Variants in CFAP54 observed in about 807,000 individuals in gnomAD.
CFAP54 encodes the protein cilia- and flagella-associated protein 54.
Under a neutral mutation model 370.4 loss-of-function variants are expected in CFAP54, and 290 were observed. That is an observed-to-expected ratio of 0.78 (90% CI 0.71 to 0.86). The LOEUF (loss-of-function observed/expected upper bound fraction) is 0.86. CFAP54 is among the 40% of genes least tolerant of loss of function. The probability of loss-of-function intolerance (pLI) is 0.00; values close to 1 mark genes in which losing one functional copy is unlikely to be tolerated. For synonymous variants in CFAP54, 1,206 were observed against 1,236.5 expected, an observed-to-expected ratio of 0.98 and a Z score of 0.52; for missense variants, 3,399 against 3,528.7, an observed-to-expected ratio of 0.96 and a Z score of 0.93.
At position 96,707,220 on chromosome 12, in the gene CFAP54, G is replaced by A. The variant is rs142128334; in HGVS notation, c.6529-1388G>A. Among the ~76,000 whole-genome samples the A allele has an allele frequency of 2.2e-3, 328 of 152,228 alleles. 1 individual carries two copies. The highest frequency in any genetic ancestry group is 7.4e-3 in the African/African-American group (306 of 41,552). On this transcript the variant is annotated intron_variant, in intron 47 of 67. Transcript: ENST00000524981. Reference sequence around the variant, plus strand: ...TGGGTGATCAGTAGTATCAAATTTTGATGATGAATCAAATACAATAATACA... The same window carrying A: ...TGGGTGATCAGTAGTATCAAATTTTAATGATGAATCAAATACAATAATACA...
At chr12:96,492,139 C>T (rs1954891291) in intron 1 of CFAP54, among the ~76,000 whole-genome samples, 1 of 152,182 alleles carries the variant, frequency 6.6e-6, no homozygotes, top group Admixed American at 6.6e-5. Context: ...TCCAAACCAC[C>T]ACCATTTCAC....
intron 38 of CFAP54, among the ~76,000 whole-genome samples, chr12:96,660,038 T>C (rs1480402636): frequency 6.6e-6 from 1 of 152,202 alleles, no homozygotes; most frequent in Non-Finnish European, 1.5e-5. Flanking sequence ...TTATAATCAT[T>C]ATAAGGTCTC....
At chr12:96,701,193 GTAGATGGA>G (rs1046006329) in intron 46 of CFAP54, among the ~76,000 whole-genome samples, 3 of 152,022 alleles carry the variant, frequency 2.0e-5, no homozygotes, top group African/African-American at 7.2e-5. Flanking sequence ...AGATTGATAG[GTAGATGGA>G]TAGAGAGATA....
chr12:96,510,581 G>GT (rs143515108), intron 4 of CFAP54, among the ~76,000 whole-genome samples: 2 of 152,042 alleles, frequency 1.3e-5, no homozygotes, highest in Admixed American at 1.3e-4. Flanking sequence ...CTCATCACAT[G>GT]TTTTTTGGAC....
chr12:96,497,733 A>G (rs1221846530), intron 1 of CFAP54, among the ~76,000 whole-genome samples: 1 of 152,230 alleles, frequency 6.6e-6, no homozygotes, highest in Non-Finnish European at 1.5e-5. Flanking sequence ...GCCTTGATGT[A>G]CTGCACATGA....
At chr12:96,640,871 A>G (rs1956718964) in intron 32 of CFAP54, among the ~76,000 whole-genome samples, 1 of 152,142 alleles carries the variant, frequency 6.6e-6, no homozygotes, top group African/African-American at 2.4e-5. Flanking sequence ...CTGGCTAGCC[A>G]TATGTAGAAA....
chr12:96,793,892 T>A (rs923858473), intron 63 of CFAP54, among the ~76,000 whole-genome samples: 8 of 113,364 alleles, frequency 7.1e-5, no homozygotes, highest in African/African-American at 2.5e-4. Flanking sequence ...TTAGCCCACT[T>A]TTTGATGGGA....
At chr12:96,659,877 C>T (rs1956972873) in intron 38 of CFAP54, among the ~76,000 whole-genome samples, 1 of 152,194 alleles carries the variant, frequency 6.6e-6, no homozygotes, top group South Asian at 2.1e-4. Context: ...CTTCTTCTCA[C>T]AAAGTTTCCT....
intron 61 of CFAP54, among the ~76,000 whole-genome samples, 164 bp from the exon 62 acceptor site, chr12:96,786,511 C>T (rs1208769921): frequency 5.9e-5 from 9 of 152,072 alleles, no homozygotes; most frequent in Admixed American, 3.3e-4. Flanking sequence ...TGGCAAGAAA[C>T]AATTCCATTA....
intron 4 of CFAP54, among the ~76,000 whole-genome samples, chr12:96,510,781 G>T (rs1164202055): frequency 2.0e-5 from 3 of 151,972 alleles, no homozygotes; most frequent in African/African-American, 7.3e-5. Context: ...GGCCAACATG[G>T]CAAGACCCCT....
intron 65 of CFAP54, among the ~76,000 whole-genome samples, chr12:96,819,062 C>T (rs910779157): frequency 6.6e-6 from 1 of 152,238 alleles, no homozygotes; most frequent in Non-Finnish European, 1.5e-5. Context: ...GCTGCCCAAC[C>T]TCTGCTCACT....
At chr12:96,570,261 A>G (rs562168947) in intron 19 of CFAP54, among the ~76,000 whole-genome samples, 1 of 151,596 alleles carries the variant, frequency 6.6e-6, no homozygotes, top group South Asian at 2.1e-4. Flanking sequence ...GGCATGAGCC[A>G]CTGTGCCCAG....
At chr12:96,548,058 G>T in intron 15 of CFAP54, 80 bp downstream of exon 15, 2 of 568,750 alleles carry the variant, frequency 3.5e-6, no homozygotes, top group Non-Finnish European at 5.9e-6. Context: ...AATGCATAAT[G>T]GTTAATTGTA....
At chr12:96,872,040 A>G (rs1960183337) in intron 67 of CFAP54, among the ~76,000 whole-genome samples, 1 of 151,980 alleles carries the variant, frequency 6.6e-6, no homozygotes, top group Non-Finnish European at 1.5e-5. Context: ...ATTTTTTCAG[A>G]TTTGATTTAA....
chr12:96,844,658 C>T (rs1469968776), intron 66 of CFAP54, among the ~76,000 whole-genome samples: 1 of 152,158 alleles, frequency 6.6e-6, no homozygotes, highest in Non-Finnish European at 1.5e-5. Context: ...AAGATAGATA[C>T]TATTATCATC....
chr12:96,718,537 GT>G lies in CFAP54; in HGVS notation c.6804+19del. 1 of 1,482,540 alleles carries G rather than the reference GT, an allele frequency of 6.7e-7. No homozygotes were observed. Among genetic ancestry groups the G allele is most frequent in the Non-Finnish European group, 9.4e-7 (1 of 1,067,476 alleles). The allele number at this position is 1,482,540 out of a possible 1,614,324, so 91.8% of individuals were successfully genotyped here. The stretch of plus-strand genomic sequence containing the variant: ...GCATGCTAAAGGTAAGTTTGAAACT[GT>G]TTTCAAACCATTAAGTTAGTTACCA... On this transcript the variant is annotated intron_variant, in intron 49 of 67. Transcript: ENST00000524981.
intron 48 of CFAP54, among the ~76,000 whole-genome samples, chr12:96,715,776 T>G (rs960347599): frequency 6.6e-6 from 1 of 152,180 alleles, no homozygotes; most frequent in Non-Finnish European, 1.5e-5. Flanking sequence ...TTGAGATGCT[T>G]GTATTAATTT....
In CFAP54 at chr12:96,658,118, G is replaced by A; in HGVS notation, c.5324+13G>A. 6.3e-7 allele frequency: 1 copy of A among 1,591,890 alleles called. No individual in the cohort carries two copies. The highest frequency in any genetic ancestry group is 8.6e-7 in the Non-Finnish European group (1 of 1,168,096). ...ATACAGTTTCACAGTAAGTACTGCT[G>A]TAAGGGCAATTAAAAGTAGAAGACT... On this transcript the variant is annotated intron_variant, in intron 37 of 67. Transcript: ENST00000524981.
At chr12:96,503,387 C>T (rs1955054239) in intron 2 of CFAP54, among the ~76,000 whole-genome samples, 1 of 139,774 alleles carries the variant, frequency 7.2e-6, no homozygotes, top group Non-Finnish European at 1.6e-5. Context: ...TCCTTCCTTC[C>T]TTTCCCTTCC....
Sources: gnomAD v4.1 joint callset for allele counts (sites outside exome capture counted in the v4.1 genomes callset) on GRCh38, gnomAD v4.1.1 for gene constraint, MANE v1.5 for transcripts, NCBI Gene and HGNC (gene_info 2026-07-23, HGNC 2026-07-21) for gene names.